ATP10D: variants seen among roughly 807,000 people sequenced by gnomAD.
ATP10D encodes the protein phospholipid-transporting ATPase VD.
In ATP10D, 89 loss-of-function variants were observed where a neutral mutation model predicts 144.8. The observed-to-expected ratio is 0.61, with a 90% CI of 0.52 to 0.73. The LOEUF (loss-of-function observed/expected upper bound fraction) is 0.73, where lower values mean the gene tolerates loss of function less well. Ranked by LOEUF, ATP10D falls within the 30% of genes least tolerant of loss-of-function variation. ATP10D has a pLI of 0.00. For missense variants in ATP10D, 1,603 were observed against 1,714.8 expected, an observed-to-expected ratio of 0.93 and a Z score of 1.15; for synonymous variants, 571 against 615.1, an observed-to-expected ratio of 0.93 and a Z score of 1.06.
chr4:47,581,165 T>C (rs574896866), intron 20 of ATP10D, among the ~76,000 whole-genome samples: 79 of 152,296 alleles, frequency 5.2e-4, no homozygotes, highest in African/African-American at 1.7e-3. Flanking sequence ...TGAGATTCCA[T>C]AAGTAATGTC....
chr4:47,534,503 G>A (rs1042971965), intron 5 of ATP10D, among the ~76,000 whole-genome samples: 4 of 152,096 alleles, frequency 2.6e-5, no homozygotes, highest in Admixed American at 2.6e-4. Context: ...CGCCTGTAGG[G>A]CCATGACTTT....
intron 19 of ATP10D, among the ~76,000 whole-genome samples, chr4:47,577,300 G>A (rs1053752629): frequency 2.0e-5 from 3 of 152,180 alleles, no homozygotes; most frequent in South Asian, 2.1e-4. Flanking sequence ...ATGAAAACAC[G>A]TTGAGACAGA....
chr4:47,587,306 T>G, intron 22 of ATP10D, 100 bp downstream of exon 22: 1 of 1,068,402 alleles, frequency 9.4e-7, no homozygotes, highest in Non-Finnish European at 1.4e-6. Flanking sequence ...CCCACCCTGT[T>G]TAGTAGTGAG....
At position 47,592,503 on chromosome 4, in the gene ATP10D, A is replaced by G. The variant is rs906656500; in HGVS notation, c.*1122A>G. The stretch of plus-strand genomic sequence containing the variant: ...CATGTATGCTGGCTTTAGTTGTAAC[A>G]AACGATTTTATTCTAAGTAAGGCCA... On this transcript the variant is annotated 3_prime_UTR_variant, in exon 23 of 23. Transcript: ENST00000273859. The G allele has an allele frequency of 2.0e-5, 3 of 152,586 alleles. No homozygotes were observed. Among genetic ancestry groups the G allele is most frequent in the Non-Finnish European group, 2.9e-5 (2 of 68,016 alleles). The allele number at this position is 152,586 out of a possible 1,614,324, so 9.5% of individuals were successfully genotyped here. A position where few individuals can be genotyped will look rare whatever the true frequency, so the allele number is the denominator to read the frequency against.
intron 1 of ATP10D, among the ~76,000 whole-genome samples, chr4:47,511,281 A>G (rs1200981921): frequency 6.7e-6 from 1 of 149,120 alleles, no homozygotes; most frequent in African/African-American, 2.4e-5. Context: ...AATCCAAAAG[A>G]ACTGTTTTTT....
chr4:47,550,874 C>A (rs1274672786), intron 10 of ATP10D, among the ~76,000 whole-genome samples: 1 of 151,852 alleles, frequency 6.6e-6, no homozygotes, highest in Non-Finnish European at 1.5e-5. Flanking sequence ...TGGTGGACAG[C>A]GAGCGAAAGC....
Position 47,561,130 on chromosome 4 carries a change from A to T in ATP10D, c.2668+55A>T. The T allele has an allele frequency of 3.8e-6, 6 of 1,597,102 alleles. No individual in the cohort carries two copies. In the South Asian group the frequency reaches 6.7e-5, roughly 18 times the overall value. On this transcript the variant is annotated intron_variant, in intron 14 of 22. Coordinates refer to ENST00000273859, the MANE Select transcript of ATP10D (RefSeq NM_020453.4). ...TGGAGGATTTTGAAAAACACTGGAT[A>T]TCTTTGAATAAGGGTTATTTTCTTC... is the stretch of plus-strand genomic sequence containing the variant.
chr4:47,507,859 G>A (rs1577622995), intron 1 of ATP10D, among the ~76,000 whole-genome samples: 1 of 152,170 alleles, frequency 6.6e-6, no homozygotes. Context: ...CCGTGGTCAA[G>A]CTAAAACAGT....
intron 12 of ATP10D, 80 bp from the exon 13 acceptor site, chr4:47,558,843 T>C: frequency 8.4e-7 from 1 of 1,191,738 alleles, no homozygotes. Flanking sequence ...TTAGTGTGGA[T>C]AAAACTACTA....
intron 5 of ATP10D, among the ~76,000 whole-genome samples, chr4:47,533,502 A>T (rs935609920): frequency 6.6e-6 from 1 of 152,134 alleles, no homozygotes. Context: ...TTTTATTTTA[A>T]TTGTAATTTC....
At chr4:47,553,225 A>G (rs1718816117) in intron 10 of ATP10D, among the ~76,000 whole-genome samples, 1 of 152,224 alleles carries the variant, frequency 6.6e-6, no homozygotes. Context: ...TTCCCTGAGT[A>G]ACTGAGGGTC....
At chr4:47,510,179 T>A (rs1052209917) in intron 1 of ATP10D, among the ~76,000 whole-genome samples, 19 of 152,208 alleles carry the variant, frequency 1.2e-4, no homozygotes, top group African/African-American at 3.1e-4. Context: ...TTCTCCTCAG[T>A]CATTTCAAAG....
intron 22 of ATP10D, among the ~76,000 whole-genome samples, chr4:47,587,765 C>T (rs949400571): frequency 6.6e-6 from 1 of 152,110 alleles, no homozygotes; most frequent in Non-Finnish European, 1.5e-5. Flanking sequence ...GAGGGCTCTG[C>T]CTTATCACCT....
intron 17 of ATP10D, 128 bp downstream of exon 17, chr4:47,572,358 A>G (rs1042741681): frequency 1.3e-6 from 1 of 741,544 alleles, no homozygotes; most frequent in African/African-American, 1.8e-5. Flanking sequence ...GGAGACAGGA[A>G]GTTTACCTAT....
chr4:47,525,615 A>C lies in ATP10D; in HGVS notation c.749A>C (p.Asn250Thr). Residue 250 changes from asparagine to threonine, a missense_variant, in exon 5 of 23, where the codon AAT becomes ACT. Transcript: ENST00000273859. The part of the protein sequence containing the change: ...SSRIECESPN[N>T]DLSRFRGFLE... Reference sequence around the variant, plus strand: ...AGGATAGAATGTGAAAGCCCAAACAATGACCTCAGCAGATTCCGAGGCTTC... The same window carrying C: ...AGGATAGAATGTGAAAGCCCAAACACTGACCTCAGCAGATTCCGAGGCTTC... 1 of 1,613,438 alleles carries C rather than the reference A, an allele frequency of 6.2e-7. No homozygotes were observed. Among genetic ancestry groups the C allele is most frequent in the Non-Finnish European group, 8.5e-7 (1 of 1,179,422 alleles).
intron 21 of ATP10D, among the ~76,000 whole-genome samples, chr4:47,584,143 A>G (rs1332653267): frequency 6.6e-6 from 1 of 152,188 alleles, no homozygotes; most frequent in Non-Finnish European, 1.5e-5. Flanking sequence ...TGGAGGATGC[A>G]TGGCTAGAGA....
At position 47,512,731 on chromosome 4, in the gene ATP10D, A is replaced by G. The variant is rs1261383806; in HGVS notation, c.191A>G (p.Tyr64Cys). 6.2e-7 allele frequency: 1 copy of G among 1,614,212 alleles called. No individual in the cohort carries two copies. Among genetic ancestry groups the G allele is most frequent in the Non-Finnish European group, 8.5e-7 (1 of 1,179,992 alleles). Residue 64 changes from tyrosine (Y) to cysteine (C), a missense_variant, in exon 2 of 23, where the codon TAT (tyrosine) becomes TGT (cysteine). Transcript: ENST00000273859. ...CACATCCAGCCCTTCAAGGATGAGT[A>G]TGAGAAGTTCTCCGGAGCCTATGTG... is the stretch of plus-strand genomic sequence containing the variant. The part of the protein sequence containing the change: ...VPHIQPFKDE[Y>C]EKFSGAYVNN...
intron 1 of ATP10D, among the ~76,000 whole-genome samples, chr4:47,500,491 G>A (rs1217252334): frequency 6.6e-6 from 1 of 152,230 alleles, no homozygotes; most frequent in African/African-American, 2.4e-5. Context: ...TAAGATTCTG[G>A]ATATAGTTTA....
intron 7 of ATP10D, 110 bp downstream of exon 7, chr4:47,536,143 T>C: frequency 1.5e-6 from 2 of 1,325,296 alleles, no homozygotes; most frequent in Middle Eastern, 2.1e-4. Context: ...ATTTTGTCAG[T>C]AGTGTTTTAC....
Sources: gnomAD v4.1 joint callset for allele counts (sites outside exome capture counted in the v4.1 genomes callset) on GRCh38, gnomAD v4.1.1 for gene constraint, MANE v1.5 for transcripts, NCBI Gene and HGNC (gene_info 2026-07-23, HGNC 2026-07-21) for gene names.